AAR2: variants seen among roughly 807,000 people sequenced by gnomAD.
AAR2 encodes the protein AAR2 splicing factor, also known as protein AAR2 homolog.
AAR2 carries 31 observed loss-of-function variants against 26.9 expected under a neutral mutation model. That is an observed-to-expected ratio of 1.15 (90% CI 0.86 to 1.55). The LOEUF is 1.55. AAR2 is among the 40% of genes most tolerant of loss of function. The probability of loss-of-function intolerance (pLI) is 0.00; values close to 1 mark genes in which losing one functional copy is unlikely to be tolerated. For missense variants in AAR2, 430 were observed against 491.3 expected (o/e 0.88, Z 1.18); for synonymous variants, 188 against 196.1 (o/e 0.96, Z 0.34).
chr20:36,238,439 C>T (rs1009976477), intron 1 of AAR2, among the ~76,000 whole-genome samples: 1 of 152,120 alleles, frequency 6.6e-6, no homozygotes, highest in Non-Finnish European at 1.5e-5. Context: ...GTCTTCCTTT[C>T]TGCACTGCTT....
chr20:36,248,113 G>A (rs963502707), intron 3 of AAR2, among the ~76,000 whole-genome samples: 2 of 152,032 alleles, frequency 1.3e-5, no homozygotes, highest in South Asian at 4.2e-4. Flanking sequence ...TGCCCTCAAG[G>A]CATCCCTCTC....
intron 3 of AAR2, among the ~76,000 whole-genome samples, chr20:36,246,288 G>A (rs915600168): frequency 2.6e-5 from 4 of 152,250 alleles, no homozygotes; most frequent in Non-Finnish European, 5.9e-5. Flanking sequence ...GGTACAGAAC[G>A]CTTTTCTAAA....
chr20:36,246,289 C>A (rs1039563788), intron 3 of AAR2, among the ~76,000 whole-genome samples: 2 of 152,168 alleles, frequency 1.3e-5, no homozygotes, highest in Non-Finnish European at 2.9e-5. Context: ...GTACAGAACG[C>A]TTTTCTAAAG....
intron 3 of AAR2, among the ~76,000 whole-genome samples, chr20:36,250,551 G>T (rs1220091734): frequency 6.6e-6 from 1 of 152,156 alleles, no homozygotes; most frequent in African/African-American, 2.4e-5. Context: ...TTTCTGAATT[G>T]TGAGGAGTTT....
intron 3 of AAR2, among the ~76,000 whole-genome samples, chr20:36,246,022 T>G (rs2064731311): frequency 6.6e-6 from 1 of 152,178 alleles, no homozygotes. Context: ...GAGACCCTGT[T>G]CACTCATTGA....
At chr20:36,254,636 T>C (rs2064805152) in intron 3 of AAR2, among the ~76,000 whole-genome samples, 1 of 152,202 alleles carries the variant, frequency 6.6e-6, no homozygotes, top group African/African-American at 2.4e-5. Context: ...TTAATGCTAC[T>C]CAACTGTACA....
At chr20:36,241,479 C>G (rs2064679704) in intron 2 of AAR2, among the ~76,000 whole-genome samples, 1 of 152,144 alleles carries the variant, frequency 6.6e-6, no homozygotes, top group South Asian at 2.1e-4. Context: ...GAGATGCTCC[C>G]TGTTTTCTCT....
intron 3 of AAR2, among the ~76,000 whole-genome samples, chr20:36,253,201 T>C (rs2064794345): frequency 1.3e-5 from 2 of 151,960 alleles, no homozygotes; most frequent in East Asian, 1.9e-4. Flanking sequence ...GTGGGAGGAA[T>C]ATTCCCCCTG....
chr20:36,242,143 C>CTTTT (rs11333425), intron 2 of AAR2, among the ~76,000 whole-genome samples: 25 of 102,034 alleles, frequency 2.5e-4, no homozygotes, highest in Non-Finnish European at 3.0e-4. Context: ...TGTAGGACTT[C>CTTTT]TTTTTTTTTT....
intron 1 of AAR2, 86 bp from the exon 2 acceptor site, chr20:36,239,735 C>G (rs2064654959): frequency 9.4e-7 from 1 of 1,066,746 alleles, no homozygotes; most frequent in Non-Finnish European, 1.3e-6. Flanking sequence ...AGGGGTCTAA[C>G]TCAATATCTG....
rs2064825182 is a variant in AAR2 at position 36,256,772 on chromosome 20, GTACTATGA to G, written c.*1029_*1036del. On this transcript the variant is annotated 3_prime_UTR_variant, in exon 4 of 4. Transcript: ENST00000320849. ...CCTGCCACCCTGACATCAAACTGTTGTACTATGATCACAGTCCCTGTGCCATCCTTTTC... is the reference window on the plus strand; with the variant it reads ...CCTGCCACCCTGACATCAAACTGTTGTCACAGTCCCTGTGCCATCCTTTTC... 6.6e-6 allele frequency: 1 copy of G among 152,630 alleles called. No individual in the cohort carries two copies. Among genetic ancestry groups the G allele is most frequent in the African/African-American group, 2.4e-5 (1 of 41,440 alleles). The allele number at this position is 152,630 out of a possible 1,614,324, so 9.5% of individuals were successfully genotyped here.
chr20:36,239,757 A>G, intron 1 of AAR2, 64 bp from the exon 2 acceptor site: 1 of 1,312,558 alleles, frequency 7.6e-7, no homozygotes, highest in Non-Finnish European at 1.0e-6. Context: ...CACATACAGA[A>G]TGCTTAGCAA....
intron 3 of AAR2, among the ~76,000 whole-genome samples, chr20:36,251,988 T>C (rs2064783802): frequency 6.6e-6 from 1 of 152,184 alleles, no homozygotes; most frequent in African/African-American, 2.4e-5. Flanking sequence ...CCCTGGGTGA[T>C]ATGCTTTGTG....
chr20:36,242,547 C>G (rs1306867635), intron 2 of AAR2, among the ~76,000 whole-genome samples: 1 of 151,932 alleles, frequency 6.6e-6, no homozygotes, highest in African/African-American at 2.4e-5. Flanking sequence ...CCCGCCACCA[C>G]GCCCGGCTAA....
Position 36,240,157 on chromosome 20 carries a change from G to A in AAR2, c.289G>A (p.Glu97Lys). ...TVLRWSTLRE[E>K]VDLSPAPESE... Reference sequence around the variant, plus strand: ...GCTGCGCTGGAGCACACTCAGGGAAGAGGTAGACCTGTCCCCAGCCCCAGA... The same window carrying A: ...GCTGCGCTGGAGCACACTCAGGGAAAAGGTAGACCTGTCCCCAGCCCCAGA... Residue 97 changes from glutamate (E) to lysine (K), a missense_variant, in exon 2 of 4, where the codon GAG (glutamate) becomes AAG (lysine). Physicochemically the swap from Glu to Lys is moderately conservative, Grantham distance 56. Coordinates refer to ENST00000320849, the MANE Select transcript of AAR2 (RefSeq NM_001271874.2). The A allele has an allele frequency of 6.2e-7, 1 of 1,614,216 alleles. No individual in the cohort carries two copies. The highest frequency in any genetic ancestry group is 1.1e-5 in the South Asian group (1 of 91,090).
In AAR2 at chr20:36,255,730, CA is replaced by C. The variant is rs1299402768; in HGVS notation, c.1141del (p.Ile381SerfsTer83). 2 of 1,614,080 alleles carry C rather than the reference CA, an allele frequency of 1.2e-6. No homozygotes were observed. Among genetic ancestry groups the C allele is most frequent in the Admixed American group, 1.7e-5 (1 of 60,012 alleles). ...APVVVELPEG[I>X]EMG is the part of the protein sequence containing the mutation. The stretch of plus-strand genomic sequence containing the variant: ...CGGTGGTGGTGGAGCTCCCTGAGGG[CA>C]TCGAGATGGGCTAACTCGGGGAGCG... On this transcript the variant is annotated frameshift_variant, in exon 4 of 4. Transcript: ENST00000320849. LOFTEE classifies it high-confidence loss of function.
intron 3 of AAR2, among the ~76,000 whole-genome samples, chr20:36,251,017 C>T (rs777253364): frequency 4.0e-5 from 6 of 151,680 alleles, no homozygotes; most frequent in Admixed American, 1.3e-4. Flanking sequence ...GGCAACATGG[C>T]GAAACCCTGT....
chr20:36,246,687 C>T (rs2064737547), intron 3 of AAR2, among the ~76,000 whole-genome samples: 1 of 152,182 alleles, frequency 6.6e-6, no homozygotes, highest in African/African-American at 2.4e-5. Flanking sequence ...CAGCTGAGCT[C>T]TATAATTGCC....
intron 3 of AAR2, among the ~76,000 whole-genome samples, chr20:36,254,043 G>T (rs958405804): frequency 3.3e-5 from 5 of 152,170 alleles, no homozygotes; most frequent in Admixed American, 6.6e-5. Context: ...CAGTTCATCA[G>T]AATTTAAACA....
Sources: allele counts gnomAD v4.1 joint callset (sites outside exome capture counted in the v4.1 genomes callset), GRCh38; gene constraint gnomAD v4.1.1; transcripts MANE v1.5; gene names NCBI Gene and HGNC (gene_info 2026-07-23, HGNC 2026-07-21).